Variants in DNAH17 observed in about 807,000 individuals in gnomAD.
The protein encoded by DNAH17 is dynein axonemal heavy chain 17, also known as axonemal beta dynein heavy chain 17.
In DNAH17, 376 loss-of-function variants were observed where a neutral mutation model predicts 485.6. That is an observed-to-expected ratio of 0.77 (90% CI 0.71 to 0.84). The LOEUF (loss-of-function observed/expected upper bound fraction) is 0.84, where lower values mean the gene tolerates loss of function less well. Ranked by LOEUF, DNAH17 falls within the 40% of genes least tolerant of loss-of-function variation. The probability of loss-of-function intolerance (pLI) is 0.00; values close to 1 mark genes in which losing one functional copy is unlikely to be tolerated. For synonymous variants in DNAH17, 3,031 were observed against 2,405.9 expected (o/e 1.26, Z -7.60); for missense variants, 6,370 against 5,839.3 (o/e 1.09, Z -2.96).
rs147845398 is a variant in DNAH17, at chr17:78,561,846, C to T, written c.1704G>A (p.Ala568=). 128 of 1,613,914 alleles carry T rather than the reference C, an allele frequency of 7.9e-5. 1 individual carries two copies. Among genetic ancestry groups the T allele is most frequent in the South Asian group, 7.9e-4 (72 of 91,070 alleles). The change falls in exon 12 of 81, where the codon GCG becomes GCA. Residue 568 remains alanine (A), a synonymous_variant. Coordinates refer to ENST00000389840, the MANE Select transcript of DNAH17 (RefSeq NM_173628.4). ...NAKILYDAQM[A]ASEEGNIPLI... is the part of the protein sequence containing the mutation. ...GGGGGATGTTCCCCTCCTCGGAGGC[C>T]GCCATCTGGGCATCGTACAAGATCT... is the stretch of plus-strand genomic sequence containing the variant.
At chr17:78,493,154 G>A (rs778904021) in intron 41 of DNAH17, 3 of 170,618 alleles carry the variant, frequency 1.8e-5, no homozygotes, top group Admixed American at 1.7e-4. Context: ...CCCGGCCCTG[G>A]ATGCCTTTTA....
At chr17:78,514,753 G>T (rs756385848) in intron 26 of DNAH17, 21 bp downstream of exon 26, 2 of 1,610,160 alleles carry the variant, frequency 1.2e-6, no homozygotes, top group Non-Finnish European at 1.7e-6. Flanking sequence ...GGTCCCCTCC[G>T]CCCACCATGG....
chr17:78,500,503 T>A, intron 35 of DNAH17, 42 bp from the exon 36 acceptor site: 1 of 1,508,716 alleles, frequency 6.6e-7, no homozygotes, highest in Non-Finnish European at 8.9e-7. Context: ...AGCGACCCCA[T>A]GGCCTCCCTG....
Position 78,486,247 on chromosome 17 carries a change from C to T in DNAH17, c.7078G>A (p.Gly2360Ser), listed in dbSNP as rs755303548. Residue 2360 changes from glycine to serine, a missense_variant, in exon 45 of 81, where the codon GGT becomes AGT. Physicochemically the swap from Gly to Ser is moderately conservative, Grantham distance 56. Transcript: ENST00000389840. ...YFVFTCFWAF[G>S]GAMFQDQLVD... Reference sequence around the variant, plus strand: ...ACCTGGTCCTGGAACATGGCGCCACCGAAGGCCCAGAAGCAGGTGAACACG... The same window carrying T: ...ACCTGGTCCTGGAACATGGCGCCACTGAAGGCCCAGAAGCAGGTGAACACG... 260 of 1,591,958 alleles carry T rather than the reference C, an allele frequency of 1.6e-4. No homozygotes were observed. The highest frequency in any genetic ancestry group is 2.1e-4 in the Non-Finnish European group (247 of 1,165,982).
chr17:78,526,947 T>G lies in DNAH17; in HGVS notation c.3557A>C (p.Lys1186Thr). 6.3e-7 allele frequency: 1 copy of G among 1,589,124 alleles called. No individual in the cohort carries two copies. ...GGCCTGGAGTGGTGCCACGGTCAGCTTCACCTGAATGGCCAGTTTCTTGGT... is the reference window on the plus strand; with the variant it reads ...GGCCTGGAGTGGTGCCACGGTCAGCGTCACCTGAATGGCCAGTTTCTTGGT... ...ANTKKLAIQV[K>T]LTVAPLQANE... Residue 1186 changes from lysine (K) to threonine (T), a missense_variant, in exon 23 of 81, where the codon AAG becomes ACG. By Grantham distance (78) the Lys-to-Thr change is moderately conservative. Transcript: ENST00000389840.
intron 72 of DNAH17, among the ~76,000 whole-genome samples, chr17:78,440,711 G>C (rs749940684): frequency 2.0e-5 from 3 of 152,298 alleles, no homozygotes; most frequent in East Asian, 1.9e-4. Flanking sequence ...GTACTTGCTT[G>C]AACACAGATT....
intron 22 of DNAH17, among the ~76,000 whole-genome samples, chr17:78,527,539 G>A (rs373743056): frequency 2.6e-5 from 4 of 151,878 alleles, no homozygotes; most frequent in African/African-American, 9.7e-5. Context: ...GGTCTCCCAT[G>A]CAATTTTATC....
At chr17:78,484,751 G>GCCCCCACCA (rs1487937056) in intron 48 of DNAH17, 117 bp downstream of exon 48, 2 of 128,062 alleles carry the variant, frequency 1.6e-5, no homozygotes, top group East Asian at 1.6e-4. Flanking sequence ...CCCCCCCACC[G>GCCCCCACCA]CCCCACACCA....
chr17:78,441,134 GA>G lies in DNAH17; in HGVS notation c.11593del (p.Ser3865ProfsTer22). 6.2e-7 allele frequency: 1 copy of G among 1,613,900 alleles called. No individual in the cohort carries two copies. The highest frequency in any genetic ancestry group is 8.5e-7 in the Non-Finnish European group (1 of 1,179,888). On this transcript the variant is annotated frameshift_variant, in exon 72 of 81. Transcript: ENST00000389840. LOFTEE classifies it high-confidence loss of function. ...CGTGGAGGGGCTGCTCTCCTCGTAG[GA>G]CTTAGAAAACTCAACACTCCGGCCT... is the stretch of plus-strand genomic sequence containing the variant. ...VEGRSVEFSK[S>X]YEESSPSTSI...
Position 78,463,531 on chromosome 17 carries a change from C to T in DNAH17, c.8941-454G>A, listed in dbSNP as rs772358041. Among the ~76,000 whole-genome samples, 68 of 152,334 alleles carry T rather than the reference C, an allele frequency of 4.5e-4. 1 individual carries two copies. Among genetic ancestry groups the T allele is most frequent in the Middle Eastern group, 3.4e-3 (1 of 294 alleles). The stretch of plus-strand genomic sequence containing the variant: ...ATGCATTCACATACCTGCATATGTA[C>T]ACGTGCACATGCATTCACATACCTG... On this transcript the variant is annotated intron_variant, in intron 56 of 80. Transcript: ENST00000389840.
chr17:78,476,818 C>A, intron 51 of DNAH17, 85 bp from the exon 52 acceptor site: 14 of 1,484,340 alleles, frequency 9.4e-6, no homozygotes, highest in Non-Finnish European at 1.3e-5. Flanking sequence ...GAGGAGCAGC[C>A]CCCTCCCCCG....
At chr17:78,435,171 C>T (rs1296855865) in intron 74 of DNAH17, among the ~76,000 whole-genome samples, 1 of 152,182 alleles carries the variant, frequency 6.6e-6, no homozygotes, top group East Asian at 1.9e-4. Context: ...GGGGAGGGCG[C>T]TGGCAGTGAA....
chr17:78,491,360 A>G (rs2089844539), intron 43 of DNAH17, 83 bp downstream of exon 43: 1 of 1,530,226 alleles, frequency 6.5e-7, no homozygotes, highest in Non-Finnish European at 8.8e-7. Context: ...GCAGGGCCTG[A>G]GTGCTCCGTA....
chr17:78,574,775 G>A lies in DNAH17; in HGVS notation c.283C>T (p.Arg95Trp), dbSNP rs372675281. 7.7e-5 allele frequency: 125 copies of A among 1,613,762 alleles called. No individual in the cohort carries two copies. In the Middle Eastern group the frequency reaches 1.8e-3, roughly 23 times the overall value. ...ENINKDNYRARLLYGDISPTP... is the reference protein window; with the variant it reads ...ENINKDNYRAWLLYGDISPTP... ...GGGCTGATGTCGCCGTAAAGGAGCCGGGCCCTGTAGTTGTCCTTGTTGATG... is the reference window on the plus strand; with the variant it reads ...GGGCTGATGTCGCCGTAAAGGAGCCAGGCCCTGTAGTTGTCCTTGTTGATG... The change falls in exon 2 of 81, where the codon CGG (arginine) becomes TGG (tryptophan). Residue 95 changes from arginine to tryptophan, a missense_variant. Physicochemically the swap from Arg to Trp is moderately radical, Grantham distance 101 (BLOSUM62 -3). Coordinates refer to ENST00000389840, the MANE Select transcript of DNAH17 (RefSeq NM_173628.4).
At chr17:78,444,196 T>C (rs2087183742) in intron 71 of DNAH17, among the ~76,000 whole-genome samples, 1 of 152,232 alleles carries the variant, frequency 6.6e-6, no homozygotes, top group Non-Finnish European at 1.5e-5. Flanking sequence ...GGACCCCATT[T>C]GTATGGCCTC....
intron 72 of DNAH17, 61 bp from the exon 73 acceptor site, chr17:78,439,278 T>C: frequency 6.5e-7 from 1 of 1,531,052 alleles, no homozygotes; most frequent in Non-Finnish European, 8.8e-7. Context: ...GTTCAGGCTC[T>C]GTGATCTACA....
At chr17:78,513,516 A>C (rs972883730) in intron 26 of DNAH17, among the ~76,000 whole-genome samples, 12 of 151,842 alleles carry the variant, frequency 7.9e-5, no homozygotes, top group African/African-American at 2.9e-4. Flanking sequence ...GCTCACTGCA[A>C]CCTCCACCTC....
intron 44 of DNAH17, among the ~76,000 whole-genome samples, chr17:78,487,264 G>A (rs1219249453): frequency 2.6e-5 from 4 of 152,190 alleles, no homozygotes; most frequent in Admixed American, 6.5e-5. Flanking sequence ...TTTCTCATCT[G>A]TAAACAGGGG....
At chr17:78,562,430 A>C (rs1045182473) in intron 11 of DNAH17, among the ~76,000 whole-genome samples, 1 of 152,182 alleles carries the variant, frequency 6.6e-6, no homozygotes, top group East Asian at 1.9e-4. Context: ...CAAAAAATAA[A>C]AATAAAAAAT....
Sources: allele counts gnomAD v4.1 joint callset (sites outside exome capture counted in the v4.1 genomes callset), GRCh38; gene constraint gnomAD v4.1.1; transcripts MANE v1.5; gene names NCBI Gene and HGNC (gene_info 2026-07-23, HGNC 2026-07-21).